ZNF385B: variants seen among roughly 807,000 people sequenced by gnomAD.
ZNF385B encodes the protein zinc finger protein 385B, also known as zinc finger protein 533.
In ZNF385B, 23 loss-of-function variants were observed where a neutral mutation model predicts 39.2. The observed-to-expected ratio is 0.59, with a 90% CI of 0.42 to 0.83. The LOEUF is 0.83. Ranked by LOEUF, ZNF385B falls within the 40% of genes least tolerant of loss-of-function variation. ZNF385B has a pLI of 0.00. For synonymous variants in ZNF385B, 205 were observed against 222.6 expected (o/e 0.92, Z 0.70); for missense variants, 552 against 598.9 (o/e 0.92, Z 0.82).
At chr2:179,785,260 C>T (rs955530173) in intron 1 of ZNF385B, among the ~76,000 whole-genome samples, 3 of 152,060 alleles carry the variant, frequency 2.0e-5, no homozygotes, top group African/African-American at 7.2e-5. Context: ...ACAAAGCAGA[C>T]TGATACATGT....
intron 3 of ZNF385B, among the ~76,000 whole-genome samples, chr2:179,551,858 C>T (rs2060597529): frequency 6.6e-6 from 1 of 152,034 alleles, no homozygotes; most frequent in South Asian, 2.1e-4. Context: ...CCAGGTCTCA[C>T]AGGCATTTGG....
In ZNF385B at chr2:179,543,957, A is replaced by AT. The variant is rs200262660; in HGVS notation, c.441+869dup. On this transcript the variant is annotated intron_variant, in intron 4 of 9. Coordinates refer to ENST00000410066, the MANE Select transcript of ZNF385B (RefSeq NM_152520.6). ...GCTGTCTGGTGGTGTTGATAATGCAATTTTTTTTTATTACAGCAGCATTTA... is the reference window on the plus strand; with the variant it reads ...GCTGTCTGGTGGTGTTGATAATGCAATTTTTTTTTTATTACAGCAGCATTTA... Among the ~76,000 whole-genome samples, 226 of 151,810 alleles carry AT rather than the reference A, an allele frequency of 1.5e-3. 1 individual carries two copies. Among genetic ancestry groups the AT allele is most frequent in the South Asian group, 2.9e-3 (14 of 4,798 alleles).
At position 179,737,181 on chromosome 2, in the gene ZNF385B, G is replaced by T. The variant is rs551756596; in HGVS notation, c.298+32322C>A. ...CATATGAAAGCTGTTGAGTGGCGGTGTGGGGCTTGAGAGGTCTAGGTTTAA... is the reference window on the plus strand; with the variant it reads ...CATATGAAAGCTGTTGAGTGGCGGTTTGGGGCTTGAGAGGTCTAGGTTTAA... On this transcript the variant is annotated intron_variant, in intron 3 of 9. Coordinates refer to ENST00000410066, the MANE Select transcript of ZNF385B (RefSeq NM_152520.6). Among the ~76,000 whole-genome samples, 7 of 152,310 alleles carry T rather than the reference G, an allele frequency of 4.6e-5. No homozygotes were observed. In the East Asian group the frequency reaches 1.4e-3, roughly 29 times the overall value.
intron 1 of ZNF385B, among the ~76,000 whole-genome samples, chr2:179,839,191 A>G (rs144664319): frequency 7.7e-4 from 118 of 152,292 alleles, no homozygotes; most frequent in Middle Eastern, 3.4e-3. Context: ...GGCATTCATT[A>G]AAAACCAGCT....
chr2:179,736,491 C>T (rs1015127281), intron 3 of ZNF385B, among the ~76,000 whole-genome samples: 1 of 152,028 alleles, frequency 6.6e-6, no homozygotes, highest in Non-Finnish European at 1.5e-5. Flanking sequence ...AGAAGTTTGC[C>T]GTTTAGCATG....
At chr2:179,626,987 C>T (rs3112962) in intron 3 of ZNF385B, among the ~76,000 whole-genome samples, 57,980 of 152,020 alleles carry the variant, frequency 0.38, 11,226 homozygotes, top group African/African-American at 0.45. Context: ...ATAATCTTTT[C>T]ACCATGTCAA....
At position 179,524,115 on chromosome 2, in the gene ZNF385B, T is replaced by C. The variant is rs180681639; in HGVS notation, c.442-5477A>G. Reference sequence around the variant, plus strand: ...GCCCAGCCCATACTATTTGTAAAGATGGGGAAATCTTACCTTAAACTTAAC... The same window carrying C: ...GCCCAGCCCATACTATTTGTAAAGACGGGGAAATCTTACCTTAAACTTAAC... On this transcript the variant is annotated intron_variant, in intron 4 of 9. Transcript: ENST00000410066. 4.4e-3 allele frequency among the ~76,000 whole-genome samples: 663 copies of C among 152,184 alleles called. 7 individuals carry two copies. The highest frequency in any genetic ancestry group is 0.015 in the African/African-American group (631 of 41,520).
At chr2:179,790,322 G>A (rs529115904) in intron 1 of ZNF385B, among the ~76,000 whole-genome samples, 1 of 152,134 alleles carries the variant, frequency 6.6e-6, no homozygotes, top group African/African-American at 2.4e-5. Context: ...TCACATTGTT[G>A]TTATTGACTG....
At chr2:179,730,595 G>A (rs16866963) in intron 3 of ZNF385B, among the ~76,000 whole-genome samples, 17,813 of 152,062 alleles carry the variant, frequency 0.12, 1,603 homozygotes, top group East Asian at 0.48. Flanking sequence ...ATGCTTCAAA[G>A]CCACTAATTA....
At chr2:179,706,835 T>C (rs560071735) in intron 3 of ZNF385B, among the ~76,000 whole-genome samples, 1 of 152,292 alleles carries the variant, frequency 6.6e-6, no homozygotes, top group South Asian at 2.1e-4. Context: ...CCAGATTAGC[T>C]CAGGCTGAAA....
chr2:179,605,052 G>A (rs1318538017), intron 3 of ZNF385B, among the ~76,000 whole-genome samples: 2 of 151,832 alleles, frequency 1.3e-5, no homozygotes, highest in African/African-American at 2.4e-5. Flanking sequence ...ATATAATAAC[G>A]TCTGTCTCCC....
At chr2:179,831,429 T>G (rs968893658) in intron 1 of ZNF385B, among the ~76,000 whole-genome samples, 1 of 150,710 alleles carries the variant, frequency 6.6e-6, no homozygotes, top group Non-Finnish European at 1.5e-5. Context: ...ATAGCGAAGA[T>G]CCAGCAAAAC....
At chr2:179,851,984 T>C (rs1351334124) in intron 1 of ZNF385B, among the ~76,000 whole-genome samples, 1 of 152,238 alleles carries the variant, frequency 6.6e-6, no homozygotes, top group African/African-American at 2.4e-5. Context: ...ACAACAGATC[T>C]GAAAACCTGT....
intron 3 of ZNF385B, among the ~76,000 whole-genome samples, chr2:179,631,536 G>T (rs959926000): frequency 1.3e-5 from 2 of 152,142 alleles, no homozygotes; most frequent in Admixed American, 1.3e-4. Context: ...AACATGGAAA[G>T]AAACAACTGG....
intron 1 of ZNF385B, among the ~76,000 whole-genome samples, chr2:179,855,946 G>A (rs1684559378): frequency 6.6e-6 from 1 of 152,186 alleles, no homozygotes; most frequent in Admixed American, 6.5e-5. Context: ...GAGTGGCTAA[G>A]CCATGGTTTG....
intron 4 of ZNF385B, chr2:179,522,931 A>G: frequency 2.3e-6 from 1 of 433,776 alleles, no homozygotes; most frequent in Non-Finnish European, 4.8e-6. Context: ...CTAAAAAAGT[A>G]AAAGTTAGAA....
intron 3 of ZNF385B, among the ~76,000 whole-genome samples, chr2:179,613,726 AGGGGTAGTGCAAGCACTTCC>A (rs966228457): frequency 1.3e-5 from 2 of 152,082 alleles, no homozygotes; most frequent in African/African-American, 4.8e-5. Context: ...TGATTGGGGG[AGGGGTAGTGCAAGCACTTCC>A]TTGGCCAACC....
At chr2:179,687,222 CA>C (rs1478632358) in intron 3 of ZNF385B, among the ~76,000 whole-genome samples, 1 of 150,770 alleles carries the variant, frequency 6.6e-6, no homozygotes, top group Non-Finnish European at 1.5e-5. Context: ...GGAAACTCTC[CA>C]GGGGGAAGAC....
rs529268280 is a variant in ZNF385B, at chr2:179,527,261, C to T, written c.442-8623G>A. On this transcript the variant is annotated intron_variant, in intron 4 of 9. Coordinates refer to ENST00000410066, the MANE Select transcript of ZNF385B (RefSeq NM_152520.6). ...CGATAGAAAACACAAGGGAGTCAGCCCAGAGATGAGGCAGCCTATCAGAGT... is the reference window on the plus strand; with the variant it reads ...CGATAGAAAACACAAGGGAGTCAGCTCAGAGATGAGGCAGCCTATCAGAGT... 3.3e-5 allele frequency among the ~76,000 whole-genome samples: 5 copies of T among 152,202 alleles called. No individual in the cohort carries two copies. In the South Asian group the frequency reaches 1.0e-3, roughly 32 times the overall value.
Sources: gnomAD v4.1 joint callset for allele counts (sites outside exome capture counted in the v4.1 genomes callset) on GRCh38, gnomAD v4.1.1 for gene constraint, MANE v1.5 for transcripts, NCBI Gene and HGNC (gene_info 2026-07-23, HGNC 2026-07-21) for gene names.